The following HACD2 variants were observed in gnomAD, a reference collection of about 807,000 sequenced individuals.
HACD2 encodes very-long-chain (3R)-3-hydroxyacyl-CoA dehydratase 2.
HACD2 carries 15 observed loss-of-function variants against 31.0 expected under a neutral mutation model. That is an observed-to-expected ratio of 0.48 (90% CI 0.32 to 0.75). HACD2 has a LOEUF of 0.75. Among genes scored for constraint, HACD2 ranks in the 30% least tolerant of loss-of-function variants. HACD2 has a pLI of 0.03. For synonymous variants in HACD2, 115 were observed against 122.2 expected (o/e 0.94, Z 0.39); for missense variants, 283 against 313.0 (o/e 0.90, Z 0.72).
At chr3:123,544,018 A>G (rs555547061) in intron 3 of HACD2, among the ~76,000 whole-genome samples, 131 of 152,310 alleles carry the variant, frequency 8.6e-4, no homozygotes, top group Admixed American at 3.1e-3. Flanking sequence ...AAAAGATCCA[A>G]GAAGGATAAA....
At chr3:123,518,772 C>T (rs1576744368) in intron 4 of HACD2, among the ~76,000 whole-genome samples, 1 of 152,208 alleles carries the variant, frequency 6.6e-6, no homozygotes, top group African/African-American at 2.4e-5. Flanking sequence ...CCAAGGCAGG[C>T]AGATCACAAG....
intron 6 of HACD2, 71 bp downstream of exon 6, chr3:123,500,440 ACAGT>A (rs1332809020): frequency 3.3e-6 from 3 of 910,328 alleles, no homozygotes; most frequent in South Asian, 3.5e-5. Context: ...TAGTGCAAAG[ACAGT>A]CAAAGATATT....
At chr3:123,533,487 T>C (rs746601853) in intron 3 of HACD2, among the ~76,000 whole-genome samples, 5 of 152,242 alleles carry the variant, frequency 3.3e-5, no homozygotes, top group Non-Finnish European at 5.9e-5. Flanking sequence ...AATCCCACTG[T>C]TTTTGCATTT....
chr3:123,545,999 C>A (rs2056555323), intron 3 of HACD2, among the ~76,000 whole-genome samples: 1 of 152,038 alleles, frequency 6.6e-6, no homozygotes, highest in Non-Finnish European at 1.5e-5. Flanking sequence ...GAATGAACCA[C>A]CGTGCCTGGC....
intron 3 of HACD2, among the ~76,000 whole-genome samples, chr3:123,554,084 A>G (rs1351537358): frequency 2.8e-5 from 4 of 143,668 alleles, no homozygotes; most frequent in African/African-American, 1.0e-4. Flanking sequence ...TGCCAAACTA[A>G]TAATATATAT....
chr3:123,553,126 G>T (rs1005905335), intron 3 of HACD2, among the ~76,000 whole-genome samples: 1 of 152,124 alleles, frequency 6.6e-6, no homozygotes, highest in African/African-American at 2.4e-5. Context: ...GGGTATCTGG[G>T]AAAATCACCC....
intron 3 of HACD2, among the ~76,000 whole-genome samples, chr3:123,540,749 CACAG>C (rs1202676848): frequency 1.1e-4 from 16 of 152,190 alleles, no homozygotes; most frequent in South Asian, 2.1e-4. Context: ...AAGAGCACAT[CACAG>C]ACAGTTTTTT....
chr3:123,555,519 A>G (rs2056663800), intron 3 of HACD2, among the ~76,000 whole-genome samples: 1 of 152,224 alleles, frequency 6.6e-6, no homozygotes, highest in Non-Finnish European at 1.5e-5. Flanking sequence ...AAACACATAT[A>G]ACTCTAACAA....
intron 6 of HACD2, among the ~76,000 whole-genome samples, chr3:123,497,396 CCTTT>C (rs763711553): frequency 5.9e-5 from 9 of 152,176 alleles, no homozygotes; most frequent in Non-Finnish European, 1.0e-4. Context: ...GCTGGGCCCT[CCTTT>C]CTTTAAGAAG....
intron 3 of HACD2, among the ~76,000 whole-genome samples, chr3:123,562,661 T>C (rs1399196418): frequency 6.6e-6 from 1 of 152,210 alleles, no homozygotes; most frequent in Non-Finnish European, 1.5e-5. Flanking sequence ...ATCTGTGAGG[T>C]AGGTATTCTT....
chr3:123,572,160 CA>C (rs1340875036), intron 2 of HACD2, among the ~76,000 whole-genome samples: 3 of 152,152 alleles, frequency 2.0e-5, no homozygotes, highest in African/African-American at 7.2e-5. Flanking sequence ...AGAATAAGCA[CA>C]CCTCATCAAA....
chr3:123,584,332 A>C (rs912303890), intron 1 of HACD2: 1 of 152,312 alleles, frequency 6.6e-6, no homozygotes, highest in South Asian at 2.1e-4. Context: ...CCATCCTAAA[A>C]GTCTAAACTC....
At position 123,549,229 on chromosome 3, in the gene HACD2, A is replaced by G. The variant is rs149675594; in HGVS notation, c.292+18533T>C. Reference sequence around the variant, plus strand: ...TATATTCCACCTCCAAAAATCTATAAGAACAAGCTGTCTATTCAAGGTGCT... The same window carrying G: ...TATATTCCACCTCCAAAAATCTATAGGAACAAGCTGTCTATTCAAGGTGCT... On this transcript the variant is annotated intron_variant, in intron 3 of 6. Transcript: ENST00000383657. Among the ~76,000 whole-genome samples the G allele has an allele frequency of 3.3e-5, 5 of 152,240 alleles. No individual in the cohort carries two copies. In the East Asian group the frequency reaches 9.7e-4, roughly 29 times the overall value.
In HACD2 at chr3:123,540,738, CA is replaced by C. The variant is rs141770379; in HGVS notation, c.293-12265del. Among the ~76,000 whole-genome samples the C allele has an allele frequency of 4.4e-3, 662 of 152,174 alleles. 4 individuals are homozygous for C. The highest frequency in any genetic ancestry group is 0.016 in the African/African-American group (644 of 41,518). ...GAATGGTTCATATGTATTTCACCAGCAAGAGCACATCACAGACAGTTTTTTT... is the reference window on the plus strand; with the variant it reads ...GAATGGTTCATATGTATTTCACCAGCAGAGCACATCACAGACAGTTTTTTT... On this transcript the variant is annotated intron_variant, in intron 3 of 6. Transcript: ENST00000383657.
chr3:123,529,825 T>C lies in HACD2; in HGVS notation c.293-1351A>G, dbSNP rs116395658. Among the ~76,000 whole-genome samples the C allele has an allele frequency of 1.8e-3, 278 of 152,314 alleles. 2 individuals carry two copies. Among genetic ancestry groups the C allele is most frequent in the African/African-American group, 6.5e-3 (271 of 41,566 alleles). On this transcript the variant is annotated intron_variant, in intron 3 of 6. Coordinates refer to ENST00000383657, the MANE Select transcript of HACD2 (RefSeq NM_198402.5). ...GTGTAATACAGCTAACAGAGCTAAT[T>C]AGTAAGTCAAACATTTAGTGAATAT...
chr3:123,491,614 T>TA lies in HACD2; in HGVS notation c.*3273dup, dbSNP rs1172730416. 4 of 152,672 alleles carry TA rather than the reference T, an allele frequency of 2.6e-5. No homozygotes were observed. Among genetic ancestry groups the TA allele is most frequent in the African/African-American group, 9.6e-5 (4 of 41,462 alleles). 9.5% of individuals were successfully genotyped at this position (152,672 alleles called of 1,614,324 possible). On this transcript the variant is annotated 3_prime_UTR_variant, in exon 7 of 7. Transcript: ENST00000383657. Reference sequence around the variant, plus strand: ...TGAAATGCAACACAGATCAGTATTTTATGAATACAACTTATTACTACATTA... The same window carrying TA: ...TGAAATGCAACACAGATCAGTATTTTAATGAATACAACTTATTACTACATTA...
At chr3:123,527,032 G>A (rs559005020) in intron 4 of HACD2, among the ~76,000 whole-genome samples, 1 of 152,336 alleles carries the variant, frequency 6.6e-6, no homozygotes, top group African/African-American at 2.4e-5. Context: ...TATTGGCAAA[G>A]TGATTGGATA....
Position 123,567,207 on chromosome 3 carries a change from T to C in HACD2, c.292+555A>G, listed in dbSNP as rs2056801350. Among the ~76,000 whole-genome samples, 3 of 152,198 alleles carry C rather than the reference T, an allele frequency of 2.0e-5. No individual in the cohort carries two copies. The South Asian group carries it at 6.2e-4, about 32-fold the overall frequency. On this transcript the variant is annotated intron_variant, in intron 3 of 6. Coordinates refer to ENST00000383657, the MANE Select transcript of HACD2 (RefSeq NM_198402.5). ...CCCCAAACTAGACGTTATGCCTCTA[T>C]TCCACAGCAATATTTGATGACTCGC...
At position 123,502,550 on chromosome 3, in the gene HACD2, GCTT is replaced by G; in HGVS notation, c.503+7_503+9del. ...TTCAAAAGTGAGCCTTTTGAAATGT[GCTT>G]TTTTACCTGGCCCATTTGATGAGGT... On this transcript the variant is annotated splice_region_variant and intron_variant, in intron 5 of 6. Transcript: ENST00000383657. The G allele has an allele frequency of 2.5e-6, 4 of 1,610,516 alleles. No individual in the cohort carries two copies. Among genetic ancestry groups the G allele is most frequent in the Non-Finnish European group, 3.4e-6 (4 of 1,178,082 alleles).
Sources: gnomAD v4.1 joint callset for allele counts (sites outside exome capture counted in the v4.1 genomes callset) on GRCh38, gnomAD v4.1.1 for gene constraint, MANE v1.5 for transcripts, NCBI Gene and HGNC (gene_info 2026-07-23, HGNC 2026-07-21) for gene names.